SLC9A9: variants seen among roughly 807,000 people sequenced by gnomAD.
The protein encoded by SLC9A9 is sodium/hydrogen exchanger 9.
In SLC9A9, 62 loss-of-function variants were observed where a neutral mutation model predicts 77.8. That is an observed-to-expected ratio of 0.80 (90% CI 0.65 to 0.98). The LOEUF is 0.98. Among genes scored for constraint, SLC9A9 ranks in the 50% least tolerant of loss-of-function variants. The pLI, the probability that SLC9A9 is intolerant of heterozygous loss-of-function variation, is 0.00. For missense variants in SLC9A9, 775 were observed against 774.9 expected, an observed-to-expected ratio of 1.00 and a Z score of 0.00; for synonymous variants, 320 against 283.5, an observed-to-expected ratio of 1.13 and a Z score of -1.29.
At chr3:143,524,918 T>C (rs1576553350) in intron 9 of SLC9A9, among the ~76,000 whole-genome samples, 1 of 152,216 alleles carries the variant, frequency 6.6e-6, no homozygotes, top group Admixed American at 6.5e-5. Flanking sequence ...TACGATGCCA[T>C]AGCATGAAGC....
intron 4 of SLC9A9, among the ~76,000 whole-genome samples, chr3:143,741,576 A>C (rs760400096): frequency 6.6e-6 from 1 of 152,174 alleles, no homozygotes. Flanking sequence ...GTTATGCATA[A>C]TGACTTCCTT....
chr3:143,661,543 A>G (rs918564808), intron 5 of SLC9A9, among the ~76,000 whole-genome samples: 5 of 151,432 alleles, frequency 3.3e-5, no homozygotes, highest in African/African-American at 1.2e-4. Flanking sequence ...TTCCTTCAAC[A>G]CCTCCAGATT....
intron 12 of SLC9A9, among the ~76,000 whole-genome samples, chr3:143,414,496 C>T (rs1272263323): frequency 3.9e-5 from 6 of 152,206 alleles, no homozygotes; most frequent in Non-Finnish European, 7.3e-5. Flanking sequence ...CTCTGTATTA[C>T]ACTTTGGTGT....
At chr3:143,415,079 G>A (rs114881164) in intron 12 of SLC9A9, among the ~76,000 whole-genome samples, 6,582 of 152,280 alleles carry the variant, frequency 0.043, 483 homozygotes, top group African/African-American at 0.15. Flanking sequence ...CTAACCCAGA[G>A]GGGGGCCCTA....
At chr3:143,662,274 T>A (rs1347928836) in intron 5 of SLC9A9, among the ~76,000 whole-genome samples, 1 of 152,190 alleles carries the variant, frequency 6.6e-6, no homozygotes, top group African/African-American at 2.4e-5. Flanking sequence ...AAAAATAATA[T>A]ACGAATGAAG....
In SLC9A9 at chr3:143,693,908, C is replaced by T. The variant is rs1042811607; in HGVS notation, c.534-601G>A. Among the ~76,000 whole-genome samples the T allele has an allele frequency of 5.3e-5, 8 of 152,206 alleles. No individual in the cohort carries two copies. In the South Asian group the frequency reaches 6.2e-4, roughly 12 times the overall value. On this transcript the variant is annotated intron_variant, in intron 4 of 15. Coordinates refer to ENST00000316549, the MANE Select transcript of SLC9A9 (RefSeq NM_173653.4). ...AATGAATACTGAAATAGTTGCATTG[C>T]GATCTTTCAAGGAAAGATTACATAA...
intron 12 of SLC9A9, among the ~76,000 whole-genome samples, chr3:143,439,570 A>G (rs2034688302): frequency 6.6e-6 from 1 of 152,192 alleles, no homozygotes; most frequent in Admixed American, 6.5e-5. Context: ...AAAGACCTGG[A>G]GGCATCTCGC....
At chr3:143,842,439 G>A (rs1276489343) in intron 1 of SLC9A9, among the ~76,000 whole-genome samples, 2 of 152,184 alleles carry the variant, frequency 1.3e-5, no homozygotes, top group African/African-American at 2.4e-5. Flanking sequence ...ACAGAGTGCA[G>A]TATGACTTTC....
At position 143,484,438 on chromosome 3, in the gene SLC9A9, G is replaced by T. The variant is rs117110884; in HGVS notation, c.1315+9215C>A. On this transcript the variant is annotated intron_variant, in intron 11 of 15. Coordinates refer to ENST00000316549, the MANE Select transcript of SLC9A9 (RefSeq NM_173653.4). ...GGACCTAAGTAATGTATAGCTATCA[G>T]AATTCATGCAGAAAATCAAAGCTGA... Among the ~76,000 whole-genome samples, 402 of 152,282 alleles carry T rather than the reference G, an allele frequency of 2.6e-3. 3 individuals carry two copies. The highest frequency in any genetic ancestry group is 0.02 in the Admixed American group (307 of 15,298).
At chr3:143,816,156 A>T (rs1559811488) in intron 2 of SLC9A9, among the ~76,000 whole-genome samples, 1 of 152,140 alleles carries the variant, frequency 6.6e-6, no homozygotes, top group Non-Finnish European at 1.5e-5. Context: ...GTATTTATGT[A>T]TTTCATATAT....
intron 14 of SLC9A9, among the ~76,000 whole-genome samples, chr3:143,294,277 G>A (rs924501321): frequency 4.6e-5 from 7 of 152,250 alleles, no homozygotes; most frequent in South Asian, 4.2e-4. Context: ...TTTACAGCAC[G>A]AAAGCACACA....
intron 8 of SLC9A9, among the ~76,000 whole-genome samples, chr3:143,573,229 G>A (rs1351161967): frequency 2.0e-5 from 3 of 152,060 alleles, no homozygotes; most frequent in Non-Finnish European, 4.4e-5. Context: ...TGCAAACACC[G>A]AGGGAGGTAT....
intron 7 of SLC9A9, among the ~76,000 whole-genome samples, chr3:143,577,738 A>T (rs140753475): frequency 6.6e-6 from 1 of 152,094 alleles, no homozygotes; most frequent in Admixed American, 6.5e-5. Context: ...AAGGCCCCCA[A>T]TATTTTGCCT....
intron 6 of SLC9A9, among the ~76,000 whole-genome samples, chr3:143,589,910 C>T (rs1057343295): frequency 2.6e-5 from 4 of 151,998 alleles, no homozygotes; most frequent in Non-Finnish European, 1.5e-5. Context: ...AGGCAAAGTC[C>T]ACTCTTGGAA....
chr3:143,673,839 G>A (rs2039195408), intron 5 of SLC9A9, among the ~76,000 whole-genome samples: 1 of 151,602 alleles, frequency 6.6e-6, no homozygotes, highest in African/African-American at 2.4e-5. Context: ...AATTCCACAT[G>A]AGGATAAATA....
At chr3:143,439,113 C>A (rs2034678051) in intron 12 of SLC9A9, among the ~76,000 whole-genome samples, 1 of 152,160 alleles carries the variant, frequency 6.6e-6, no homozygotes, top group South Asian at 2.1e-4. Context: ...AGAGTGACAG[C>A]CTATAATATA....
intron 4 of SLC9A9, among the ~76,000 whole-genome samples, chr3:143,755,500 A>G (rs546770051): frequency 6.6e-6 from 1 of 152,324 alleles, no homozygotes; most frequent in African/African-American, 2.4e-5. Flanking sequence ...ATTTAATATT[A>G]AAATTTATAA....
At chr3:143,723,189 T>C (rs950197059) in intron 4 of SLC9A9, among the ~76,000 whole-genome samples, 1 of 151,620 alleles carries the variant, frequency 6.6e-6, no homozygotes, top group Non-Finnish European at 1.5e-5. Context: ...AAATAATATG[T>C]CTCCCTGGGT....
intron 6 of SLC9A9, among the ~76,000 whole-genome samples, chr3:143,610,681 A>G (rs1467302536): frequency 1.3e-5 from 2 of 152,176 alleles, no homozygotes; most frequent in African/African-American, 2.4e-5. Flanking sequence ...AAATCCATAG[A>G]ACGAACTGTG....
Sources: gnomAD v4.1 joint callset for allele counts (sites outside exome capture counted in the v4.1 genomes callset) on GRCh38, gnomAD v4.1.1 for gene constraint, MANE v1.5 for transcripts, NCBI Gene and HGNC (gene_info 2026-07-23, HGNC 2026-07-21) for gene names.